RYR1: variants seen among roughly 807,000 people sequenced by gnomAD.
RYR1 encodes the protein ryanodine receptor 1, also known as central core disease of muscle.
In RYR1, 342 loss-of-function variants were observed where a neutral mutation model predicts 583.5. The observed-to-expected ratio is 0.59, with a 90% confidence interval of 0.54 to 0.64. The LOEUF (loss-of-function observed/expected upper bound fraction) is 0.64. RYR1 is among the 30% of genes least tolerant of loss of function. The pLI, the probability that RYR1 is intolerant of heterozygous loss-of-function variation, is 0.00. For missense variants in RYR1, 6,032 were observed against 6,917.2 expected (o/e 0.87, Z 4.54); for synonymous variants, 2,791 against 2,822.5 (o/e 0.99, Z 0.35).
intron 30 of RYR1, among the ~76,000 whole-genome samples, chr19:38,478,221 C>G (rs546476049): frequency 6.6e-6 from 1 of 152,214 alleles, no homozygotes; most frequent in East Asian, 1.9e-4. Context: ...ACCCCCACCC[C>G]CATCCTGACT....
Position 38,512,205 on chromosome 19 carries a change from C to G in RYR1, c.9234-40C>G. On this transcript the variant is annotated intron_variant, in intron 62 of 105. Transcript: ENST00000359596. The surrounding 1 kb of genome is among the most constrained non-coding windows in gnomAD (Gnocchi z 5.1). ...ACCCCAACCCCTGGTCTCCTAGACT[C>G]TCCGATTCCAGAGCTGATGTTCCCC... 1 of 1,614,066 alleles carries G rather than the reference C, an allele frequency of 6.2e-7. No homozygotes were observed. The highest frequency in any genetic ancestry group is 1.1e-5 in the South Asian group (1 of 91,088).
intron 89 of RYR1, among the ~76,000 whole-genome samples, chr19:38,559,767 T>C (rs1201738784): frequency 6.6e-6 from 1 of 152,188 alleles, no homozygotes; most frequent in Non-Finnish European, 1.5e-5. Context: ...CTTCTGTTCA[T>C]ACCCCAGAGC....
chr19:38,506,603 C>T, intron 56 of RYR1, 57 bp downstream of exon 56: 1 of 1,595,992 alleles, frequency 6.3e-7, no homozygotes, highest in African/African-American at 1.3e-5. Context: ...TGTGGTTTTG[C>T]TGATTGCCTT....
At position 38,475,433 on chromosome 19, in the gene RYR1, A is replaced by G. The variant is rs1968671799; in HGVS notation, c.4276A>G (p.Ile1426Val). 1.9e-6 allele frequency: 3 copies of G among 1,613,756 alleles called. No homozygotes were observed. Among genetic ancestry groups the G allele is most frequent in the Non-Finnish European group, 2.5e-6 (3 of 1,180,048 alleles). The change falls in exon 29 of 106, where the codon ATC becomes GTC. Residue 1426 changes from isoleucine (I) to valine (V), a missense_variant. Around this residue, in one of 11 missense-constraint regions of RYR1, gnomAD observed 2,627 missense variants for 2,961.3 expected, o/e 0.89. Coordinates refer to ENST00000359596, the MANE Select transcript of RYR1 (RefSeq NM_000540.3). ...PADNRDDPEI[I>V]LNTTTYYYSV... ...AGACAACCGCGATGACCCCGAGATCATCCTCAACACCACCACGGTGTGGAC... is the reference window on the plus strand; with the variant it reads ...AGACAACCGCGATGACCCCGAGATCGTCCTCAACACCACCACGGTGTGGAC...
intron 48 of RYR1, 57 bp downstream of exon 48, chr19:38,502,784 G>A (rs549552977): frequency 3.4e-5 from 40 of 1,181,044 alleles, no homozygotes; most frequent in African/African-American, 1.1e-4. Context: ...CAGGGGCAGG[G>A]GCAGGGGCAG....
chr19:38,575,899 TTCTC>T lies in RYR1; in HGVS notation c.14130-8_14130-5del, dbSNP rs750824483. On this transcript the variant is annotated splice_polypyrimidine_tract_variant and intron_variant, in intron 96 of 105. Coordinates refer to ENST00000359596, the MANE Select transcript of RYR1 (RefSeq NM_000540.3). ...GGCCCTAACATCTTATACTCACGCT[TTCTC>T]TCTCTCTCTCTGCAGGTCTTTCCCT... 166 of 1,588,226 alleles carry T rather than the reference TTCTC, an allele frequency of 1.0e-4. No individual in the cohort carries two copies. Among genetic ancestry groups the T allele is most frequent in the Middle Eastern group, 3.3e-4 (2 of 5,992 alleles).
intron 11 of RYR1, among the ~76,000 whole-genome samples, chr19:38,451,434 G>A (rs1967069929): frequency 6.6e-6 from 1 of 152,152 alleles, no homozygotes; most frequent in Non-Finnish European, 1.5e-5. Flanking sequence ...AGTAGGTACA[G>A]GTGGAAAGGG....
chr19:38,525,864 A>G (rs2145713983), intron 71 of RYR1, among the ~76,000 whole-genome samples: 1 of 151,100 alleles, frequency 6.6e-6, no homozygotes, highest in East Asian at 2.0e-4. Flanking sequence ...TGAGCCCCTG[A>G]GATCCTCTGA....
Position 38,476,931 on chromosome 19 carries a change from G to A in RYR1, c.4294-779G>A, listed in dbSNP as rs1968763825. On this transcript the variant is annotated intron_variant, in intron 29 of 105. Coordinates refer to ENST00000359596, the MANE Select transcript of RYR1 (RefSeq NM_000540.3). Reference sequence around the variant, plus strand: ...CACCCGTAGTCCCAGAACGTTGGGAGGCCAAGGTGAGAGGATCACTTCAAT... The same window carrying A: ...CACCCGTAGTCCCAGAACGTTGGGAAGCCAAGGTGAGAGGATCACTTCAAT... 3.3e-5 allele frequency among the ~76,000 whole-genome samples: 5 copies of A among 152,046 alleles called. No homozygotes were observed. In the South Asian group the frequency reaches 1.0e-3, roughly 32 times the overall value.
At chr19:38,537,516 G>C (rs568926591) in intron 83 of RYR1, among the ~76,000 whole-genome samples, 15 of 152,090 alleles carry the variant, frequency 9.9e-5, no homozygotes, top group Non-Finnish European at 2.1e-4. Flanking sequence ...TAACCTCCAC[G>C]GTCTGAAGGG....
chr19:38,521,865 C>A (rs2145698693), intron 67 of RYR1, among the ~76,000 whole-genome samples: 1 of 151,700 alleles, frequency 6.6e-6, no homozygotes, highest in South Asian at 2.1e-4. Context: ...TGCCACCACA[C>A]CCGGCTAATT....
chr19:38,584,217 TCTGC>T (rs997431570), intron 101 of RYR1, among the ~76,000 whole-genome samples: 5 of 141,998 alleles, frequency 3.5e-5, no homozygotes, highest in African/African-American at 1.3e-4. Context: ...GCCTCGACCC[TCTGC>T]CTGTGCCCCT....
At chr19:38,505,208 C>T in intron 52 of RYR1, 101 bp from the exon 53 acceptor site, 12 of 1,171,146 alleles carry the variant, frequency 1.0e-5, no homozygotes, top group African/African-American at 1.5e-5. Context: ...TTAGCTTGTT[C>T]TGGGACCCCC....
intron 24 of RYR1, among the ~76,000 whole-genome samples, chr19:38,466,729 C>G (rs1968131443): frequency 6.6e-6 from 1 of 152,082 alleles, no homozygotes; most frequent in Non-Finnish European, 1.5e-5. Context: ...TCTCGATCTC[C>G]TGACCTCGTG....
intron 63 of RYR1, among the ~76,000 whole-genome samples, chr19:38,513,235 G>T (rs899282758): frequency 2.6e-5 from 4 of 152,222 alleles, no homozygotes; most frequent in Non-Finnish European, 5.9e-5. Context: ...TACCTGGGAG[G>T]CTGAGGCAGG....
chr19:38,530,979 T>C (rs1484478537), intron 76 of RYR1, among the ~76,000 whole-genome samples: 2 of 147,546 alleles, frequency 1.4e-5, no homozygotes, highest in Non-Finnish European at 3.0e-5. Context: ...TTTTTCTTTT[T>C]TCTTTCTCTT....
At chr19:38,585,197 T>C in intron 102 of RYR1, 98 bp downstream of exon 102, 1 of 1,405,388 alleles carries the variant, frequency 7.1e-7, no homozygotes, top group South Asian at 1.2e-5. Context: ...TCATACCCCA[T>C]CTCTACCTCT....
chr19:38,498,405 CAA>C (rs1386274749), intron 42 of RYR1, among the ~76,000 whole-genome samples: 2 of 151,876 alleles, frequency 1.3e-5, no homozygotes, highest in African/African-American at 4.8e-5. Context: ...AGGTGGGAGA[CAA>C]GGGTGGACAG....
At chr19:38,440,969 A>T in intron 2 of RYR1, 105 bp downstream of exon 2, 2 of 1,065,578 alleles carry the variant, frequency 1.9e-6, no homozygotes, top group Non-Finnish European at 2.5e-6. Flanking sequence ...AGGTGCTGAC[A>T]GGAGAGAAAG....
Sources: allele counts gnomAD v4.1 joint callset (sites outside exome capture counted in the v4.1 genomes callset), GRCh38; gene constraint gnomAD v4.1.1; regional missense constraint gnomAD v4.1.1; non-coding constraint Gnocchi (gnomAD v3.1); transcripts MANE v1.5; gene names NCBI Gene and HGNC (gene_info 2026-07-23, HGNC 2026-07-21).